Variants in NBPF12 observed in about 807,000 individuals in gnomAD.
NBPF12 encodes NBPF member 12, also known as NBPF family member NBPF12.
A neutral mutation model predicts 146.4 loss-of-function variants in NBPF12; 115 were observed. The observed-to-expected ratio is 0.79, with a 90% CI of 0.68 to 0.92. The LOEUF (loss-of-function observed/expected upper bound fraction) is 0.92, where lower values mean the gene tolerates loss of function less well. NBPF12 is among the 40% of genes least tolerant of loss of function. NBPF12 has a pLI of 0.00. For synonymous variants in NBPF12, 385 were observed against 508.9 expected, an observed-to-expected ratio of 0.76 and a Z score of 3.28; for missense variants, 1,205 against 1,326.8, an observed-to-expected ratio of 0.91 and a Z score of 1.43.
At chr1:146,971,026 A>G (rs1327432561) in intron 12 of NBPF12, among the ~76,000 whole-genome samples, 157 bp from the exon 16 acceptor site, 9 of 151,470 alleles carry the variant, frequency 5.9e-5, no homozygotes, top group Middle Eastern at 3.4e-3. Context: ...TCTGTTGCAG[A>G]GAGAAGAGGA....
At chr1:146,942,743 C>T (rs1654862980) in intron 1 of NBPF12, among the ~76,000 whole-genome samples, 2 of 140,718 alleles carry the variant, frequency 1.4e-5, no homozygotes, top group Non-Finnish European at 3.0e-5. Context: ...AGTGAGACAG[C>T]CTGTAGAATA....
upstream of NBPF12, among the ~76,000 whole-genome samples, chr1:146,944,363 C>T (rs1654927338): frequency 6.9e-6 from 1 of 144,780 alleles, no homozygotes; most frequent in Non-Finnish European, 1.5e-5. Context: ...TTGTATCCTT[C>T]TCACGTGGCC....
exon 34 of NBPF12, chr1:146,995,830 C>G (rs1445293906): frequency 6.7e-6 from 1 of 149,762 alleles, no homozygotes; most frequent in African/African-American, 2.5e-5. Flanking sequence ...TAATGAAGTA[C>G]TTGGGAAAGC....
intron 19 of NBPF12, among the ~76,000 whole-genome samples, chr1:146,981,038 C>A (rs1263898819): frequency 1.5e-5 from 2 of 137,304 alleles, no homozygotes; most frequent in African/African-American, 2.8e-5. Context: ...GGACAAAAAA[C>A]CAAATACCGC....
intron 1 of NBPF12, among the ~76,000 whole-genome samples, chr1:146,950,681 G>T (rs1655287993): frequency 7.2e-5 from 11 of 152,028 alleles, no homozygotes. Context: ...ATGTTGTTTT[G>T]TGTGTCAAAA....
chr1:146,961,909 C>G (rs1441853909), intron 4 of NBPF12, among the ~76,000 whole-genome samples: 1 of 152,096 alleles, frequency 6.6e-6, no homozygotes, highest in South Asian at 2.1e-4. Flanking sequence ...GACTCCACTT[C>G]GTGGTGGTTG....
At chr1:146,956,198 C>A (rs1352055558) in intron 2 of NBPF12, among the ~76,000 whole-genome samples, 23,267 of 148,804 alleles carry the variant, frequency 0.16, 2,112 homozygotes, top group Admixed American at 0.27. Flanking sequence ...ACTACTCAGT[C>A]TTTACAAGAC....
At chr1:146,942,824 C>T (rs1305882083) in intron 1 of NBPF12, among the ~76,000 whole-genome samples, 15 of 149,062 alleles carry the variant, frequency 1.0e-4, no homozygotes, top group Non-Finnish European at 1.6e-4. Context: ...CCCACACACT[C>T]TTAATTCCCT....
intron 13 of NBPF12, among the ~76,000 whole-genome samples, chr1:146,972,411 C>A (rs1180846034): frequency 6.6e-6 from 1 of 150,590 alleles, no homozygotes; most frequent in Non-Finnish European, 1.5e-5. Flanking sequence ...AAACAAAAAA[C>A]CAAAAAAGAA....
chr1:146,969,218 C>T (rs1202699376), intron 10 of NBPF12, among the ~76,000 whole-genome samples, 164 bp from the exon 14 acceptor site: 2 of 151,412 alleles, frequency 1.3e-5, no homozygotes, highest in Non-Finnish European at 2.9e-5. Flanking sequence ...GCCTGTAAAC[C>T]ATTTTCTCTT....
intron 1 of NBPF12, among the ~76,000 whole-genome samples, chr1:146,950,595 A>G (rs2101822884): frequency 6.6e-6 from 1 of 152,014 alleles, no homozygotes; most frequent in East Asian, 1.9e-4. Context: ...TCTTGAAACC[A>G]TTATTATTTA....
upstream of NBPF12, among the ~76,000 whole-genome samples, chr1:146,945,880 A>C (rs1221622018): frequency 1.3e-5 from 2 of 151,964 alleles, no homozygotes; most frequent in African/African-American, 4.8e-5. Flanking sequence ...GTAATGTCCT[A>C]AATCCTCAAT....
intron 20 of NBPF12, 32 bp from the exon 24 acceptor site, chr1:146,984,102 A>C (rs1250684401): frequency 1.4e-6 from 1 of 718,318 alleles, no homozygotes; most frequent in African/African-American, 2.5e-5. Context: ...GAACTGCCTA[A>C]TGTAAGAGGC....
chr1:146,994,387 G>T (rs1553890038), exon 34 of NBPF12: 1 of 1,612,276 alleles, frequency 6.2e-7, no homozygotes, highest in Non-Finnish European at 8.5e-7. Flanking sequence ...GGACTCACTG[G>T]ATAGATGTTA....
chr1:146,981,011 T>C (rs1657335774), intron 19 of NBPF12, among the ~76,000 whole-genome samples: 2 of 138,356 alleles, frequency 1.4e-5, no homozygotes, highest in South Asian at 4.9e-4. Flanking sequence ...ACCATCATTC[T>C]CAGCAAACTA....
intron 5 of NBPF12, among the ~76,000 whole-genome samples, chr1:146,962,575 T>C (rs1430988317): frequency 0.013 from 1,925 of 151,352 alleles, 48 homozygotes; most frequent in African/African-American, 0.045. Flanking sequence ...GGTGTGCTAT[T>C]GCCACCCCAC....
intron 7 of NBPF12, 108 bp downstream of exon 10, chr1:146,964,537 G>C: frequency 6.4e-7 from 1 of 1,556,756 alleles, no homozygotes. Context: ...CATTCCCTTG[G>C]CCACAGTATG....
exon 2 of NBPF12, chr1:146,951,372 C>G: frequency 1.6e-6 from 1 of 632,136 alleles, no homozygotes; most frequent in Non-Finnish European, 2.8e-6. Flanking sequence ...GATGGTCAAA[C>G]AAAATAATAT....
At chr1:146,961,452 A>G (rs1303438515) in intron 4 of NBPF12, among the ~76,000 whole-genome samples, 3 of 152,108 alleles carry the variant, frequency 2.0e-5, no homozygotes, top group East Asian at 3.9e-4. Context: ...ATTTCCTGTC[A>G]ATCTCCTTGA....
Sources: gnomAD v4.1 joint callset for allele counts (sites outside exome capture counted in the v4.1 genomes callset) on GRCh38, gnomAD v4.1.1 for gene constraint, MANE v1.5 for transcripts, NCBI Gene and HGNC (gene_info 2026-07-23, HGNC 2026-07-21) for gene names.